TAFA4: variants seen among roughly 807,000 people sequenced by gnomAD.
The protein encoded by TAFA4 is TAFA chemokine like family member 4.
Under a neutral mutation model 21.1 loss-of-function variants are expected in TAFA4, and 20 were observed. The ratio of observed to expected loss-of-function variants is 0.95; its 90% confidence interval spans 0.67 to 1.38. TAFA4 has a LOEUF of 1.38. Ranked by LOEUF, TAFA4 falls within the 40% of genes most tolerant of loss-of-function variation. The probability of loss-of-function intolerance (pLI) is 0.00; values close to 1 mark genes in which losing one functional copy is unlikely to be tolerated. For synonymous variants in TAFA4, 71 were observed against 67.4 expected (o/e 1.05, Z -0.26); for missense variants, 211 against 180.9 (o/e 1.17, Z -0.95).
At chr3:68,773,414 A>G (rs1702994367) in intron 3 of TAFA4, among the ~76,000 whole-genome samples, 1 of 152,184 alleles carries the variant, frequency 6.6e-6, no homozygotes, top group Admixed American at 6.5e-5. Context: ...ACCAATCAGG[A>G]AGTTCCACCA....
At chr3:68,882,808 T>C (rs2089632673) in intron 2 of TAFA4, among the ~76,000 whole-genome samples, 1 of 152,138 alleles carries the variant, frequency 6.6e-6, no homozygotes, top group Admixed American at 6.5e-5. Context: ...GTTTCTAGAG[T>C]TTCTGTCCTC....
chr3:68,756,725 A>G (rs1702666422), intron 3 of TAFA4, among the ~76,000 whole-genome samples: 1 of 152,228 alleles, frequency 6.6e-6, no homozygotes, highest in Non-Finnish European at 1.5e-5. Flanking sequence ...AAAGTTTTCA[A>G]TCTACTACTT....
At chr3:68,825,962 G>A (rs1220483681) in intron 3 of TAFA4, among the ~76,000 whole-genome samples, 12 of 152,114 alleles carry the variant, frequency 7.9e-5, no homozygotes, top group Non-Finnish European at 1.5e-4. Context: ...TCACAATGAG[G>A]TTTTTCATAA....
In TAFA4 at chr3:68,783,179, C is replaced by G. The variant is rs556092780; in HGVS notation, c.131-30161G>C. 8.5e-5 allele frequency among the ~76,000 whole-genome samples: 13 copies of G among 152,292 alleles called. No individual in the cohort carries two copies. The South Asian group carries it at 2.7e-3, about 32-fold the overall frequency. On this transcript the variant is annotated intron_variant, in intron 3 of 5. Coordinates refer to ENST00000295569, the MANE Select transcript of TAFA4 (RefSeq NM_182522.5). ...GAAAACCTATAGCAAACATACACAA[C>G]TATGAAGATCAAATGCATTCCCCCT...
chr3:68,922,672 A>G (rs2090070472), intron 1 of TAFA4, among the ~76,000 whole-genome samples: 1 of 152,234 alleles, frequency 6.6e-6, no homozygotes, highest in Non-Finnish European at 1.5e-5. Flanking sequence ...GTAGATGTGA[A>G]AAGAGTAAAC....
rs532731047 is a variant in TAFA4, at chr3:68,779,245, G to A, written c.131-26227C>T. ...ACTTGGGTGTTCTTAAAGGCATTCA[G>A]GTTTAAAAGGGAAACAGCATAAACG... On this transcript the variant is annotated intron_variant, in intron 3 of 5. Transcript: ENST00000295569. 2.8e-3 allele frequency among the ~76,000 whole-genome samples: 423 copies of A among 152,248 alleles called. 1 individual carries two copies. Among genetic ancestry groups the A allele is most frequent in the African/African-American group, 9.6e-3 (400 of 41,550 alleles).
intron 3 of TAFA4, among the ~76,000 whole-genome samples, chr3:68,831,498 T>C (rs958348281): frequency 6.6e-6 from 1 of 152,140 alleles, no homozygotes; most frequent in African/African-American, 2.4e-5. Context: ...TTTAAGAATG[T>C]TGAATATTGG....
chr3:68,772,810 C>T (rs1316539939), intron 3 of TAFA4, among the ~76,000 whole-genome samples: 2 of 152,122 alleles, frequency 1.3e-5, no homozygotes, highest in Non-Finnish European at 2.9e-5. Flanking sequence ...TCACATGAGC[C>T]AGTTCCCCTA....
intron 1 of TAFA4, among the ~76,000 whole-genome samples, chr3:68,900,191 G>A (rs1041655070): frequency 1.3e-5 from 2 of 149,590 alleles, no homozygotes; most frequent in Non-Finnish European, 3.0e-5. Flanking sequence ...GCAGTAAGCC[G>A]AGATTGCACC....
chr3:68,845,548 T>C (rs1704767552), intron 3 of TAFA4, among the ~76,000 whole-genome samples: 1 of 152,232 alleles, frequency 6.6e-6, no homozygotes, highest in African/African-American at 2.4e-5. Flanking sequence ...TGTGTGAATT[T>C]GATGCTGTCA....
In TAFA4 at chr3:68,878,527, G is replaced by A. The variant is rs773270744; in HGVS notation, c.130+2203C>T. On this transcript the variant is annotated intron_variant, in intron 3 of 5. Coordinates refer to ENST00000295569, the MANE Select transcript of TAFA4 (RefSeq NM_182522.5). Reference sequence around the variant, plus strand: ...AAAACATATTTGCTACCCTCTTGTGGGGAAATAAGGCACTGCTTACAGCCA... The same window carrying A: ...AAAACATATTTGCTACCCTCTTGTGAGGAAATAAGGCACTGCTTACAGCCA... 2.6e-5 allele frequency among the ~76,000 whole-genome samples: 4 copies of A among 152,180 alleles called. No individual in the cohort carries two copies. In the East Asian group the frequency reaches 5.8e-4, roughly 22 times the overall value.
At chr3:68,835,762 C>T (rs6769148) in intron 3 of TAFA4, among the ~76,000 whole-genome samples, 68,393 of 151,914 alleles carry the variant, frequency 0.45, 16,002 homozygotes, top group African/African-American at 0.54. Flanking sequence ...CTGTAAGACT[C>T]CTCAAATGAG....
chr3:68,777,608 T>G (rs1354948635), intron 3 of TAFA4, among the ~76,000 whole-genome samples: 1 of 152,028 alleles, frequency 6.6e-6, no homozygotes, highest in East Asian at 1.9e-4. Context: ...TTAGTAATAA[T>G]GGTGGGAAAA....
At chr3:68,816,783 C>T (rs77475739) in intron 3 of TAFA4, among the ~76,000 whole-genome samples, 5 of 145,984 alleles carry the variant, frequency 3.4e-5, no homozygotes, top group Non-Finnish European at 6.2e-5. Context: ...TTTATTTCCC[C>T]GTGCATATAA....
At chr3:68,916,491 C>T (rs562934178) in intron 1 of TAFA4, among the ~76,000 whole-genome samples, 9 of 152,270 alleles carry the variant, frequency 5.9e-5, no homozygotes, top group African/African-American at 2.2e-4. Flanking sequence ...GTTAGATCTA[C>T]ATGTAACTCG....
intron 4 of TAFA4, among the ~76,000 whole-genome samples, chr3:68,745,670 T>G (rs189570039): frequency 3.9e-5 from 6 of 152,234 alleles, no homozygotes; most frequent in African/African-American, 1.4e-4. Context: ...CTCTATTGTA[T>G]AAAATGAGTT....
intron 3 of TAFA4, among the ~76,000 whole-genome samples, chr3:68,842,898 C>A (rs539772209): frequency 6.6e-6 from 1 of 152,296 alleles, no homozygotes; most frequent in South Asian, 2.1e-4. Context: ...GTCTATGTAT[C>A]TGCTTTGGTA....
At chr3:68,881,339 C>T (rs1261579472) in intron 2 of TAFA4, among the ~76,000 whole-genome samples, 5 of 152,192 alleles carry the variant, frequency 3.3e-5, no homozygotes, top group Non-Finnish European at 7.3e-5. Flanking sequence ...CCAATCTCAA[C>T]TCCTCCTTTG....
At chr3:68,866,744 C>A (rs1193439458) in intron 3 of TAFA4, among the ~76,000 whole-genome samples, 6 of 73,530 alleles carry the variant, frequency 8.2e-5, no homozygotes, top group African/African-American at 2.7e-4. Context: ...CAACAAAAAA[C>A]AAATCCTGGA....
Sources: allele counts gnomAD v4.1 joint callset (sites outside exome capture counted in the v4.1 genomes callset), GRCh38; gene constraint gnomAD v4.1.1; transcripts MANE v1.5; gene names NCBI Gene and HGNC (gene_info 2026-07-23, HGNC 2026-07-21).